The following DHX36 variants were observed in gnomAD, a reference collection of about 807,000 sequenced individuals.
DHX36 encodes the protein DEAH-box helicase 36.
A neutral mutation model predicts 139.0 loss-of-function variants in DHX36; 50 were observed. The ratio of observed to expected loss-of-function variants is 0.36; its 90% CI spans 0.29 to 0.46. DHX36 has a LOEUF of 0.46. DHX36 is among the 20% of genes least tolerant of loss of function. The pLI is 1.00. For synonymous variants in DHX36, 425 were observed against 401.9 expected (o/e 1.06, Z -0.69); for missense variants, 1,024 against 1,211.3 (o/e 0.85, Z 2.29).
chr3:154,285,387 C>A (rs1711513142), intron 17 of DHX36, among the ~76,000 whole-genome samples: 1 of 152,056 alleles, frequency 6.6e-6, no homozygotes, highest in Non-Finnish European at 1.5e-5. Context: ...GACAGAAAAG[C>A]AAAAGAAAAA....
At chr3:154,304,313 C>T (rs190173151) in intron 8 of DHX36, among the ~76,000 whole-genome samples, 1 of 152,098 alleles carries the variant, frequency 6.6e-6, no homozygotes. Context: ...GCTTGGGAAA[C>T]CTACTTAACT....
At chr3:154,280,230 T>G in intron 22 of DHX36, 1 of 187,328 alleles carries the variant, frequency 5.3e-6, no homozygotes, top group Non-Finnish European at 1.1e-5. Context: ...AAGTTATCCA[T>G]TTATAAGGCA....
intron 14 of DHX36, among the ~76,000 whole-genome samples, chr3:154,293,353 T>C (rs1168166833): frequency 6.6e-6 from 1 of 152,112 alleles, no homozygotes; most frequent in African/African-American, 2.4e-5. Flanking sequence ...GTTGAGGTAA[T>C]AGGATCATTT....
chr3:154,281,677 G>A (rs558452939), intron 20 of DHX36, among the ~76,000 whole-genome samples: 65 of 152,184 alleles, frequency 4.3e-4, no homozygotes, highest in Admixed American at 3.6e-3. Flanking sequence ...GAAACATAAA[G>A]TTGGTTATAT....
intron 12 of DHX36, among the ~76,000 whole-genome samples, chr3:154,297,076 G>C (rs1712073230): frequency 6.6e-6 from 1 of 152,194 alleles, no homozygotes; most frequent in South Asian, 2.1e-4. Flanking sequence ...AGAACAAATG[G>C]CCTGGTCTTT....
intron 5 of DHX36, among the ~76,000 whole-genome samples, chr3:154,306,562 T>G (rs781632921): frequency 6.6e-6 from 1 of 152,176 alleles, no homozygotes; most frequent in Non-Finnish European, 1.5e-5. Flanking sequence ...TCTCATTAAT[T>G]TATACTTTTC....
chr3:154,284,998 A>G lies in DHX36; in HGVS notation c.2032-11T>C. On this transcript the variant is annotated splice_polypyrimidine_tract_variant and intron_variant, in intron 17 of 24. Coordinates refer to ENST00000496811, the MANE Select transcript of DHX36 (RefSeq NM_020865.3). ...TTTATCCAAAGCGTTCTGTAAAGGA[A>G]GAGTGTGTGTTTAAAATAGATCCTG... 1 of 1,613,928 alleles carries G rather than the reference A, an allele frequency of 6.2e-7. No individual in the cohort carries two copies. The highest frequency in any genetic ancestry group is 8.5e-7 in the Non-Finnish European group (1 of 1,179,902).
chr3:154,315,241 T>G lies in DHX36; in HGVS notation c.408A>C (p.Ser136=), dbSNP rs1461883072. 1.2e-6 allele frequency: 2 copies of G among 1,613,422 alleles called. No homozygotes were observed. Among genetic ancestry groups the G allele is most frequent in the Non-Finnish European group, 1.7e-6 (2 of 1,179,646 alleles). ...TEVSTKNTPC[S]ENKLDIQEKK... The stretch of plus-strand genomic sequence containing the variant: ...TTTCCTGGATGTCAAGTTTGTTCTC[T>G]GAGCATGGTGTGTTCTTAGTAGAAA... Residue 136 remains serine, a synonymous_variant, in exon 3 of 25, where the codon TCA becomes TCC. Coordinates refer to ENST00000496811, the MANE Select transcript of DHX36 (RefSeq NM_020865.3).
intron 12 of DHX36, among the ~76,000 whole-genome samples, chr3:154,297,589 T>A (rs1337478731): frequency 2.6e-5 from 4 of 151,900 alleles, no homozygotes; most frequent in Non-Finnish European, 5.9e-5. Flanking sequence ...TGGGTGCCTA[T>A]AATCCCAGCT....
At chr3:154,286,274 T>C (rs956286961) in intron 17 of DHX36, among the ~76,000 whole-genome samples, 6 of 149,290 alleles carry the variant, frequency 4.0e-5, no homozygotes, top group African/African-American at 1.5e-4. Context: ...CACTATCATA[T>C]CACTTCTGCT....
chr3:154,305,927 C>G (rs1308997864), intron 6 of DHX36, among the ~76,000 whole-genome samples: 1 of 152,120 alleles, frequency 6.6e-6, no homozygotes, highest in Non-Finnish European at 1.5e-5. Flanking sequence ...GAAAGGTCTA[C>G]ACAATCTTTT....
At chr3:154,287,326 T>C (rs1269053759) in intron 17 of DHX36, among the ~76,000 whole-genome samples, 2 of 152,070 alleles carry the variant, frequency 1.3e-5, no homozygotes, top group Non-Finnish European at 2.9e-5. Flanking sequence ...TAAAAAGCAA[T>C]AACCTTTGAG....
intron 5 of DHX36, among the ~76,000 whole-genome samples, chr3:154,308,312 G>A (rs181971884): frequency 6.6e-6 from 1 of 152,210 alleles, no homozygotes; most frequent in East Asian, 1.9e-4. Context: ...TTACTGCCAA[G>A]TGCTGTCATA....
intron 15 of DHX36, among the ~76,000 whole-genome samples, chr3:154,291,841 A>G (rs767047995): frequency 1.3e-5 from 2 of 152,228 alleles, no homozygotes; most frequent in Non-Finnish European, 2.9e-5. Flanking sequence ...TAAGTGCAGA[A>G]ATACTGTGAA....
intron 24 of DHX36, 84 bp from the exon 25 acceptor site, chr3:154,276,440 C>G: frequency 7.8e-7 from 1 of 1,286,056 alleles, no homozygotes; most frequent in Non-Finnish European, 1.1e-6. Flanking sequence ...TTACCTGATA[C>G]AAGGAGTTTC....
intron 1 of DHX36, among the ~76,000 whole-genome samples, chr3:154,323,476 T>G (rs986942117): frequency 2.0e-5 from 3 of 152,338 alleles, no homozygotes; most frequent in East Asian, 3.9e-4. Context: ...AGAATTTTAT[T>G]TACTAGTCAC....
chr3:154,305,062 C>T, intron 7 of DHX36, 32 bp downstream of exon 7: 3 of 1,598,274 alleles, frequency 1.9e-6, no homozygotes, highest in South Asian at 1.1e-5. Flanking sequence ...CTTTTGATAA[C>T]ACTTATATTT....
At chr3:154,289,935 C>A in intron 15 of DHX36, 109 bp from the exon 16 acceptor site, 1 of 639,268 alleles carries the variant, frequency 1.6e-6, no homozygotes, top group South Asian at 2.1e-5. Flanking sequence ...CAATTTCTTA[C>A]ATGCCACATA....
chr3:154,316,312 A>AC, intron 1 of DHX36, 149 bp from the exon 2 acceptor site: 1 of 948,146 alleles, frequency 1.1e-6, no homozygotes, highest in African/African-American at 1.7e-5. Context: ...CTAGCCCAAT[A>AC]CCCCCCTTCC....
Sources: allele counts gnomAD v4.1 joint callset (sites outside exome capture counted in the v4.1 genomes callset), GRCh38; gene constraint gnomAD v4.1.1; transcripts MANE v1.5; gene names NCBI Gene and HGNC (gene_info 2026-07-23, HGNC 2026-07-21).